Variants in CTNND2 observed in about 807,000 individuals in gnomAD.
CTNND2 encodes catenin delta 2.
A neutral mutation model predicts 144.4 loss-of-function variants in CTNND2; 22 were observed. That is an observed-to-expected ratio of 0.15 (90% CI 0.11 to 0.22). The LOEUF is 0.22. Among genes scored for constraint, CTNND2 ranks in the 10% least tolerant of loss-of-function variants. CTNND2 has a pLI of 1.00. For synonymous variants in CTNND2, 751 were observed against 695.6 expected (o/e 1.08, Z -1.25); for missense variants, 1,353 against 1,618.8 (o/e 0.84, Z 2.82).
chr5:11,838,717 T>G (rs1221450701), intron 1 of CTNND2, among the ~76,000 whole-genome samples: 1 of 152,242 alleles, frequency 6.6e-6, no homozygotes, highest in Non-Finnish European at 1.5e-5. Context: ...CATTAAATAT[T>G]ACATTGCATC....
intron 3 of CTNND2, among the ~76,000 whole-genome samples, chr5:11,511,326 T>A (rs972007318): frequency 5.3e-5 from 8 of 152,194 alleles, no homozygotes; most frequent in African/African-American, 1.9e-4. Context: ...CCAGGATGTG[T>A]CCAGAAATTA....
chr5:11,380,080 A>C (rs925357615), intron 7 of CTNND2, among the ~76,000 whole-genome samples: 1 of 152,290 alleles, frequency 6.6e-6, no homozygotes, highest in South Asian at 2.1e-4. Context: ...GAAGCATGCC[A>C]GGTGCACACT....
chr5:11,419,743 A>G (rs1762218060), intron 3 of CTNND2, among the ~76,000 whole-genome samples: 1 of 152,188 alleles, frequency 6.6e-6, no homozygotes, highest in South Asian at 2.1e-4. Context: ...TATATATGAA[A>G]GTTCAAAGCA....
intron 16 of CTNND2, among the ~76,000 whole-genome samples, chr5:11,071,573 G>GAA (rs34608744): frequency 7.8e-4 from 115 of 146,556 alleles, no homozygotes; most frequent in African/African-American, 2.3e-3. Context: ...TTCAAAAAAC[G>GAA]AAAAAAAAAA....
At chr5:11,705,260 G>A (rs987301404) in intron 2 of CTNND2, among the ~76,000 whole-genome samples, 3 of 152,186 alleles carry the variant, frequency 2.0e-5, no homozygotes, top group Admixed American at 1.3e-4. Context: ...CATTGTGTAT[G>A]GAGAAACAGA....
intron 9 of CTNND2, among the ~76,000 whole-genome samples, chr5:11,308,893 G>A (rs946779404): frequency 6.6e-6 from 1 of 152,128 alleles, no homozygotes; most frequent in Non-Finnish European, 1.5e-5. Flanking sequence ...GGGAGGCCTC[G>A]GCAGAAGGCG....
chr5:11,643,311 T>C (rs1002800651), intron 2 of CTNND2, among the ~76,000 whole-genome samples: 4 of 151,864 alleles, frequency 2.6e-5, no homozygotes, highest in Admixed American at 6.6e-5. Context: ...TGTATACATG[T>C]GCCATGTTGG....
chr5:11,172,227 C>G (rs1560966476), intron 11 of CTNND2, among the ~76,000 whole-genome samples: 1 of 152,018 alleles, frequency 6.6e-6, no homozygotes, highest in Non-Finnish European at 1.5e-5. Flanking sequence ...TGAGGGACCA[C>G]TGGGGCTGGG....
In CTNND2 at chr5:11,120,058, C is replaced by G. The variant is rs548642816; in HGVS notation, c.2160-2491G>C. 2.0e-5 allele frequency among the ~76,000 whole-genome samples: 3 copies of G among 152,322 alleles called. No individual in the cohort carries two copies. The East Asian group carries it at 5.8e-4, about 29-fold the overall frequency. ...ACTAATCTTAGCGTTTTTCTTTATT[C>G]TAGTTTCTATTCCATTCTAGTCCAG... is the stretch of plus-strand genomic sequence containing the variant. On this transcript the variant is annotated intron_variant, in intron 12 of 21. Transcript: ENST00000304623.
At chr5:11,686,722 A>G in intron 2 of CTNND2, among the ~76,000 whole-genome samples, 1 of 149,850 alleles carries the variant, frequency 6.7e-6, no homozygotes, top group East Asian at 1.9e-4. Flanking sequence ...TGCATATATA[A>G]TTTTTTAACA....
chr5:11,130,273 C>T (rs1431471030), intron 12 of CTNND2, among the ~76,000 whole-genome samples: 1 of 152,056 alleles, frequency 6.6e-6, no homozygotes, highest in Non-Finnish European at 1.5e-5. Flanking sequence ...CCCCCATCCA[C>T]CCATAAACGT....
intron 1 of CTNND2, among the ~76,000 whole-genome samples, chr5:11,873,084 T>C (rs1311167396): frequency 6.6e-6 from 1 of 152,078 alleles, no homozygotes; most frequent in Non-Finnish European, 1.5e-5. Context: ...GGGAGAAAAT[T>C]TTTGCAATCT....
intron 11 of CTNND2, among the ~76,000 whole-genome samples, chr5:11,180,492 T>G (rs1006937522): frequency 6.6e-6 from 1 of 152,170 alleles, no homozygotes; most frequent in Non-Finnish European, 1.5e-5. Context: ...AGCGATTGGT[T>G]GAGAACTCAC....
intron 6 of CTNND2, 77 bp from the exon 7 acceptor site, chr5:11,385,306 G>T (rs1051248649): frequency 1.0e-6 from 1 of 967,720 alleles, no homozygotes; most frequent in Non-Finnish European, 1.2e-6. Flanking sequence ...GCCCGGCCCC[G>T]AGAGCAGAGG....
At chr5:11,051,433 T>C (rs972219938) in intron 16 of CTNND2, among the ~76,000 whole-genome samples, 10 of 152,370 alleles carry the variant, frequency 6.6e-5, no homozygotes, top group East Asian at 5.8e-4. Context: ...CTGGCCTTCA[T>C]TGACAAGAGC....
intron 8 of CTNND2, among the ~76,000 whole-genome samples, chr5:11,347,221 CGAAA>C (rs1561256243): frequency 6.6e-6 from 1 of 152,010 alleles, no homozygotes; most frequent in African/African-American, 2.4e-5. Flanking sequence ...AAGTAACTCC[CGAAA>C]GATTTTTATA....
chr5:11,903,495 G>A lies in CTNND2; in HGVS notation c.37+322C>T, dbSNP rs1048365743. 11 of 685,600 alleles carry A rather than the reference G, an allele frequency of 1.6e-5. No homozygotes were observed. The highest frequency in any genetic ancestry group is 1.9e-5 in the African/African-American group (1 of 52,432). The allele number at this position is 685,600 out of a possible 1,614,324, so 42.5% of individuals were successfully genotyped here. On this transcript the variant is annotated intron_variant, in intron 1 of 21. Coordinates refer to ENST00000304623, the MANE Select transcript of CTNND2 (RefSeq NM_001332.4). This position sits in a 1 kb window ranked among gnomAD's most constrained non-coding sequence, Gnocchi z 5.4. ...ATGCACCGAGTATGTTCTCAGGGTG[G>A]CGGGGAGCAGCATTGTCGGTGTTGC...
At chr5:11,195,319 T>C (rs1736752842) in intron 11 of CTNND2, among the ~76,000 whole-genome samples, 2 of 152,232 alleles carry the variant, frequency 1.3e-5, no homozygotes, top group South Asian at 4.1e-4. Flanking sequence ...GTTAAAGACT[T>C]ATTTTTTTAG....
At chr5:11,096,310 C>T (rs1751343208) in intron 15 of CTNND2, among the ~76,000 whole-genome samples, 1 of 152,194 alleles carries the variant, frequency 6.6e-6, no homozygotes, top group Non-Finnish European at 1.5e-5. Context: ...TGCTATCCCT[C>T]TCCTAGCCCC....
Sources: allele counts gnomAD v4.1 joint callset (sites outside exome capture counted in the v4.1 genomes callset), GRCh38; gene constraint gnomAD v4.1.1; non-coding constraint Gnocchi (gnomAD v3.1); transcripts MANE v1.5; gene names NCBI Gene and HGNC (gene_info 2026-07-23, HGNC 2026-07-21).